PLCH1: variants seen among roughly 807,000 people sequenced by gnomAD.
The protein encoded by PLCH1 is phospholipase C eta 1.
In PLCH1, 60 loss-of-function variants were observed where a neutral mutation model predicts 126.7. The observed-to-expected ratio is 0.47, with a 90% CI of 0.38 to 0.59. The LOEUF (loss-of-function observed/expected upper bound fraction) is 0.59, where lower values mean the gene tolerates loss of function less well. Among genes scored for constraint, PLCH1 ranks in the 20% least tolerant of loss-of-function variants. PLCH1 has a pLI of 0.00. For synonymous variants in PLCH1, 719 were observed against 734.9 expected (o/e 0.98, Z 0.35); for missense variants, 1,723 against 2,040.0 (o/e 0.84, Z 2.99).
intron 2 of PLCH1, among the ~76,000 whole-genome samples, chr3:155,611,389 C>CA (rs1210254844): frequency 2.0e-5 from 3 of 151,226 alleles, no homozygotes; most frequent in African/African-American, 7.3e-5. Context: ...GACTCCGTCT[C>CA]AAAAAAATAA....
At chr3:155,521,146 A>C (rs1427525439) in intron 11 of PLCH1, among the ~76,000 whole-genome samples, 1 of 152,152 alleles carries the variant, frequency 6.6e-6, no homozygotes, top group Non-Finnish European at 1.5e-5. Context: ...ATTTCAATAG[A>C]TCCCTTACAT....
At chr3:155,650,406 A>C (rs1476880188) in intron 2 of PLCH1, among the ~76,000 whole-genome samples, 1 of 152,204 alleles carries the variant, frequency 6.6e-6, no homozygotes, top group South Asian at 2.1e-4. Context: ...CCCTGAGAAC[A>C]TGCCAGGAGA....
intron 1 of PLCH1, among the ~76,000 whole-genome samples, chr3:155,734,996 A>T (rs1577386223): frequency 6.6e-6 from 1 of 152,136 alleles, no homozygotes. Context: ...GGCGTGAGCC[A>T]CCGCGCCCAG....
intron 10 of PLCH1, 137 bp downstream of exon 10, chr3:155,549,650 C>A (rs1020218482): frequency 1.6e-6 from 1 of 620,764 alleles, no homozygotes; most frequent in Non-Finnish European, 2.8e-6. Context: ...TGGAATAAGG[C>A]GCATACATAG....
intron 2 of PLCH1, among the ~76,000 whole-genome samples, chr3:155,625,937 C>T (rs1245296711): frequency 1.3e-5 from 2 of 152,192 alleles, no homozygotes; most frequent in Admixed American, 6.5e-5. Context: ...TGTATGCTTA[C>T]TGTGGCACTT....
intron 2 of PLCH1, among the ~76,000 whole-genome samples, chr3:155,687,736 A>G (rs1226246668): frequency 6.6e-6 from 1 of 152,178 alleles, no homozygotes. Flanking sequence ...ATTTGTCTTT[A>G]AAAAATAACC....
chr3:155,690,367 A>G (rs1745280416), intron 2 of PLCH1, among the ~76,000 whole-genome samples: 1 of 152,266 alleles, frequency 6.6e-6, no homozygotes, highest in South Asian at 2.1e-4. Context: ...ACAAATGTAC[A>G]TGCATATCTA....
At position 155,481,923 on chromosome 3, in the gene PLCH1, T is replaced by C. The variant is rs779826453; in HGVS notation, c.4103A>G (p.Tyr1368Cys). Reference sequence around the variant, plus strand: ...AAGTTGACTTGTGCCCTCTCTCCTATATTCACAGGTTGTTAGAGAAAGATT... The same window carrying C: ...AAGTTGACTTGTGCCCTCTCTCCTACATTCACAGGTTGTTAGAGAAAGATT... ...SENLSLTTCEYRREGTSQLAS... is the reference protein window; with the variant it reads ...SENLSLTTCECRREGTSQLAS... Residue 1368 changes from tyrosine to cysteine, a missense_variant, in exon 23 of 23, where the codon TAT (tyrosine) becomes TGT (cysteine). Transcript: ENST00000460012. The surrounding 1 kb of genome is among the most constrained non-coding windows in gnomAD (Gnocchi z 4.2). The C allele has an allele frequency of 7.4e-6, 12 of 1,614,078 alleles. No individual in the cohort carries two copies. The highest frequency in any genetic ancestry group is 1.0e-5 in the Non-Finnish European group (12 of 1,180,038).
chr3:155,663,476 CCAGT>C (rs2108950981), intron 2 of PLCH1, among the ~76,000 whole-genome samples: 1 of 152,292 alleles, frequency 6.6e-6, no homozygotes, highest in South Asian at 2.1e-4. Context: ...TTTCCATAAG[CCAGT>C]CAAAGTATTC....
At chr3:155,659,697 C>A (rs1273625091) in intron 2 of PLCH1, among the ~76,000 whole-genome samples, 1 of 151,900 alleles carries the variant, frequency 6.6e-6, no homozygotes, top group Non-Finnish European at 1.5e-5. Flanking sequence ...TGGGGTTTCA[C>A]CATGTTGGCC....
intron 6 of PLCH1, among the ~76,000 whole-genome samples, chr3:155,580,235 A>G (rs1730498193): frequency 6.6e-6 from 1 of 152,178 alleles, no homozygotes; most frequent in Non-Finnish European, 1.5e-5. Flanking sequence ...AGCCATGAAA[A>G]TATTTTATCC....
chr3:155,640,638 T>C (rs1425498780), intron 2 of PLCH1, among the ~76,000 whole-genome samples: 2 of 152,202 alleles, frequency 1.3e-5, no homozygotes, highest in African/African-American at 4.8e-5. Flanking sequence ...CATAGGCTAT[T>C]TCTCTTCAAA....
intron 1 of PLCH1, among the ~76,000 whole-genome samples, chr3:155,739,373 A>C (rs1749450243): frequency 6.6e-6 from 1 of 152,244 alleles, no homozygotes; most frequent in Admixed American, 6.5e-5. Flanking sequence ...GACCCACCAC[A>C]AGATGGCAAC....
chr3:155,553,271 C>T (rs531398372), intron 9 of PLCH1, among the ~76,000 whole-genome samples: 28 of 152,108 alleles, frequency 1.8e-4, no homozygotes, highest in Non-Finnish European at 4.0e-4. Context: ...TGTACCACTA[C>T]ATCCACCTAA....
intron 2 of PLCH1, among the ~76,000 whole-genome samples, chr3:155,660,948 TCTGC>T (rs1742061853): frequency 6.6e-6 from 1 of 152,192 alleles, no homozygotes; most frequent in South Asian, 2.1e-4. Flanking sequence ...GAAATACCTA[TCTGC>T]CTGCCTGAGG....
chr3:155,668,381 G>C (rs1743034689), intron 2 of PLCH1, among the ~76,000 whole-genome samples: 1 of 152,170 alleles, frequency 6.6e-6, no homozygotes, highest in African/African-American at 2.4e-5. Flanking sequence ...AGGTCTGACA[G>C]TTAATTCAGG....
At chr3:155,624,960 G>A (rs189246792) in intron 2 of PLCH1, among the ~76,000 whole-genome samples, 26 of 152,188 alleles carry the variant, frequency 1.7e-4, no homozygotes, top group Admixed American at 1.4e-3. Flanking sequence ...AAAGAACAAA[G>A]CTGGAGGCAT....
intron 2 of PLCH1, among the ~76,000 whole-genome samples, chr3:155,662,932 G>A (rs1471977062): frequency 6.6e-6 from 1 of 152,136 alleles, no homozygotes; most frequent in Admixed American, 6.5e-5. Flanking sequence ...CCAAAATTCT[G>A]GGATTACAGA....
At chr3:155,562,423 C>G (rs778083740) in intron 8 of PLCH1, among the ~76,000 whole-genome samples, 4 of 152,114 alleles carry the variant, frequency 2.6e-5, no homozygotes, top group Non-Finnish European at 5.9e-5. Flanking sequence ...TTCCTAGAAC[C>G]ATGGAGCCCC....
Sources: allele counts gnomAD v4.1 joint callset (sites outside exome capture counted in the v4.1 genomes callset), GRCh38; gene constraint gnomAD v4.1.1; non-coding constraint Gnocchi (gnomAD v3.1); transcripts MANE v1.5; gene names NCBI Gene and HGNC (gene_info 2026-07-23, HGNC 2026-07-21).